UBR7: variants seen among roughly 807,000 people sequenced by gnomAD.
The protein encoded by UBR7 is ubiquitin protein ligase E3 component n-recognin 7.
A neutral mutation model predicts 57.0 loss-of-function variants in UBR7; 22 were observed. That is an observed-to-expected ratio of 0.39 (90% CI 0.28 to 0.55). The LOEUF is 0.55. Ranked by LOEUF, UBR7 falls within the 20% of genes least tolerant of loss-of-function variation. The pLI is 0.69. For missense variants in UBR7, 395 were observed against 513.2 expected (o/e 0.77, Z 2.23); for synonymous variants, 167 against 179.8 (o/e 0.93, Z 0.57).
chr14:93,209,771 T>G, intron 1 of UBR7, 53 bp from the exon 2 acceptor site: 5 of 1,600,178 alleles, frequency 3.1e-6, no homozygotes, highest in Non-Finnish European at 4.3e-6. Flanking sequence ...GTGTGGGTAT[T>G]AGGTAAACCA....
At chr14:93,213,693 TAAC>T (rs1224982494) in intron 4 of UBR7, among the ~76,000 whole-genome samples, 5 of 152,230 alleles carry the variant, frequency 3.3e-5, no homozygotes, top group African/African-American at 1.2e-4. Flanking sequence ...ACATCCATAA[TAAC>T]CTTCTCTCTG....
rs1375228724 is a variant in UBR7, at chr14:93,209,845, C to T, written c.172C>T (p.Leu58=). ...YSQGSVKRQA[L]YACSTCTPEG... is the part of the protein sequence containing the mutation. Reference sequence around the variant, plus strand: ...TCAGGGCTCAGTAAAGAGACAAGCACTATATGCCTGTAGTACCTGCACCCC... The same window carrying T: ...TCAGGGCTCAGTAAAGAGACAAGCATTATATGCCTGTAGTACCTGCACCCC... The change falls in exon 2 of 11, where the codon CTA becomes TTA. Residue 58 remains leucine (L), a synonymous_variant. Coordinates refer to ENST00000013070, the MANE Select transcript of UBR7 (RefSeq NM_175748.4). The T allele has an allele frequency of 6.2e-7, 1 of 1,613,906 alleles. No individual in the cohort carries two copies. The highest frequency in any genetic ancestry group is 8.5e-7 in the Non-Finnish European group (1 of 1,179,918).
chr14:93,219,949 T>C (rs1419784567), intron 8 of UBR7, among the ~76,000 whole-genome samples: 16 of 150,494 alleles, frequency 1.1e-4, no homozygotes, highest in Non-Finnish European at 1.5e-5. Context: ...CACTCCAGCC[T>C]GGGCAACGAG....
chr14:93,224,447 C>T (rs1043584107), intron 10 of UBR7, among the ~76,000 whole-genome samples: 7 of 143,034 alleles, frequency 4.9e-5, no homozygotes, highest in Admixed American at 7.3e-5. Flanking sequence ...GGCGTGATCT[C>T]GGCTCACTGC....
chr14:93,208,624 G>A (rs992889651), intron 1 of UBR7, among the ~76,000 whole-genome samples: 1 of 151,602 alleles, frequency 6.6e-6, no homozygotes, highest in Middle Eastern at 3.2e-3. Flanking sequence ...AAGTGTGCGT[G>A]TTCCCACAAC....
chr14:93,216,891 C>T (rs565967117), intron 6 of UBR7, among the ~76,000 whole-genome samples: 1 of 152,050 alleles, frequency 6.6e-6, no homozygotes, highest in South Asian at 2.1e-4. Flanking sequence ...GCTGGGATTA[C>T]AGGCATGAGC....
chr14:93,227,156 G>T lies in UBR7; in HGVS notation c.*121G>T. 1.4e-6 allele frequency: 1 copy of T among 727,086 alleles called. No individual in the cohort carries two copies. Among genetic ancestry groups the T allele is most frequent in the South Asian group, 1.5e-5 (1 of 68,272 alleles). 45.0% of individuals were successfully genotyped at this position (727,086 alleles called of 1,614,324 possible). On this transcript the variant is annotated 3_prime_UTR_variant, in exon 11 of 11. Coordinates refer to ENST00000013070, the MANE Select transcript of UBR7 (RefSeq NM_175748.4). Reference sequence around the variant, plus strand: ...CCTCCTCTGTTTGGAGAGGCCTCGCGCTCCCTTCATTCTCTTTAGCTGCAG... The same window carrying T: ...CCTCCTCTGTTTGGAGAGGCCTCGCTCTCCCTTCATTCTCTTTAGCTGCAG...
At chr14:93,210,084 T>A (rs3759714) in intron 2 of UBR7, 127 bp downstream of exon 2, 93,748 of 525,614 alleles carry the variant, frequency 0.18, 12,245 homozygotes, top group African/African-American at 0.2. Flanking sequence ...TTAATTAATT[T>A]ATTTATTTAT....
At chr14:93,216,684 C>T (rs1423752644) in intron 6 of UBR7, among the ~76,000 whole-genome samples, 3 of 151,160 alleles carry the variant, frequency 2.0e-5, no homozygotes, top group African/African-American at 4.9e-5. Context: ...GGTGCTATCT[C>T]GGCTCACCTC....
chr14:93,217,007 A>G (rs1025287329), intron 6 of UBR7, among the ~76,000 whole-genome samples: 1 of 151,788 alleles, frequency 6.6e-6, no homozygotes, highest in Non-Finnish European at 1.5e-5. Context: ...GAACCTATCT[A>G]TGTGTAGTTC....
intron 4 of UBR7, among the ~76,000 whole-genome samples, chr14:93,213,004 G>A (rs765856111): frequency 6.6e-6 from 1 of 152,128 alleles, no homozygotes; most frequent in African/African-American, 2.4e-5. Context: ...TGGGCACTGT[G>A]GCTTATGCCT....
At chr14:93,224,645 G>A (rs761398694) in intron 10 of UBR7, among the ~76,000 whole-genome samples, 11 of 152,046 alleles carry the variant, frequency 7.2e-5, no homozygotes, top group Non-Finnish European at 1.6e-4. Flanking sequence ...CCAAAGTGCT[G>A]GGATTACAGG....
At chr14:93,218,468 T>C (rs10132640) in intron 6 of UBR7, 59 bp from the exon 7 acceptor site, 237,533 of 1,398,076 alleles carry the variant, frequency 0.17, 21,088 homozygotes, top group African/African-American at 0.22. Context: ...TGGGATTTTA[T>C]TGTCCGTTAG....
rs1321513639 is a variant in UBR7 at position 93,223,931 on chromosome 14, T to C, written c.1185+1557T>C. The C allele has an allele frequency of 1.8e-5, 13 of 729,886 alleles. No individual in the cohort carries two copies. The Admixed American group carries it at 2.5e-4, about 14-fold the overall frequency. The allele number at this position is 729,886 out of a possible 1,614,324, so 45.2% of individuals were successfully genotyped here. On this transcript the variant is annotated intron_variant, in intron 10 of 10. Transcript: ENST00000013070. The stretch of plus-strand genomic sequence containing the variant: ...GTTCTTGACCCGCGGTGGGGACTTC[T>C]CAAACACCTGCCCACAGTAGACAAT...
chr14:93,218,814 G>A (rs1894646950), intron 7 of UBR7, 79 bp downstream of exon 7: 2 of 1,463,248 alleles, frequency 1.4e-6, no homozygotes, highest in Non-Finnish European at 1.9e-6. Flanking sequence ...CCAGCACTTT[G>A]GGAGGCTGAG....
rs1456045774 is a variant in UBR7, at chr14:93,227,135, C to T, written c.*100C>T. The stretch of plus-strand genomic sequence containing the variant: ...CACATTTGGCCCCCTTTCCGTCCTC[C>T]TCTGTTTGGAGAGGCCTCGCGCTCC... On this transcript the variant is annotated 3_prime_UTR_variant, in exon 11 of 11. Coordinates refer to ENST00000013070, the MANE Select transcript of UBR7 (RefSeq NM_175748.4). The T allele has an allele frequency of 1.1e-6, 1 of 920,452 alleles. No individual in the cohort carries two copies. Among genetic ancestry groups the T allele is most frequent in the African/African-American group, 1.7e-5 (1 of 60,052 alleles). The allele number at this position is 920,452 out of a possible 1,614,324, so 57.0% of individuals were successfully genotyped here. A position where few individuals can be genotyped will look rare whatever the true frequency, so the allele number is the denominator to read the frequency against.
chr14:93,207,394 T>G lies in UBR7; in HGVS notation c.103T>G (p.Cys35Gly). ...EEDEELENEA[C>G]AVLGGSDSEK... ...GGACGAGGAGCTGGAGAATGAGGCGTGCGCTGTCCTGGGCGGCAGCGACTC... is the reference window on the plus strand; with the variant it reads ...GGACGAGGAGCTGGAGAATGAGGCGGGCGCTGTCCTGGGCGGCAGCGACTC... The change falls in exon 1 of 11, where the codon TGC (cysteine) becomes GGC (glycine). Residue 35 changes from cysteine (C) to glycine (G), a missense_variant. Physicochemically the swap from Cys to Gly is radical, Grantham distance 159 (BLOSUM62 -3). Transcript: ENST00000013070. 1 of 1,552,950 alleles carries G rather than the reference T, an allele frequency of 6.4e-7. No individual in the cohort carries two copies.
In UBR7 at chr14:93,207,269, C is replaced by T. The variant is rs1243811318; in HGVS notation, c.-23C>T. ...TTTCCCGCCTCCGCCGGGGCCGAGC[C>T]GCTGTTCGGCTGACAGTTGAGGATG... On this transcript the variant is annotated 5_prime_UTR_variant, in exon 1 of 11. Transcript: ENST00000013070. 24 of 1,550,628 alleles carry T rather than the reference C, an allele frequency of 1.5e-5. No homozygotes were observed. The highest frequency in any genetic ancestry group is 3.6e-5 in the South Asian group (3 of 84,216).
chr14:93,218,094 C>G (rs1425317765), intron 6 of UBR7, among the ~76,000 whole-genome samples: 1 of 134,496 alleles, frequency 7.4e-6, no homozygotes, highest in Non-Finnish European at 1.6e-5. Context: ...AACTCTATCT[C>G]AAAAAAAAAA....
Sources: allele counts gnomAD v4.1 joint callset (sites outside exome capture counted in the v4.1 genomes callset), GRCh38; gene constraint gnomAD v4.1.1; transcripts MANE v1.5; gene names NCBI Gene and HGNC (gene_info 2026-07-23, HGNC 2026-07-21).